ERCC6: variants seen among roughly 807,000 people sequenced by gnomAD.
The protein encoded by ERCC6 is DNA excision repair protein ERCC-6.
ERCC6 carries 116 observed loss-of-function variants against 158.7 expected under a neutral mutation model. The observed-to-expected ratio is 0.73, with a 90% CI of 0.63 to 0.85. The LOEUF is 0.85. ERCC6 is among the 40% of genes least tolerant of loss of function. ERCC6 has a pLI of 0.00. For missense variants in ERCC6, 1,698 were observed against 1,799.4 expected, an observed-to-expected ratio of 0.94 and a Z score of 1.02; for synonymous variants, 678 against 659.3, an observed-to-expected ratio of 1.03 and a Z score of -0.43.
intron 5 of ERCC6, chr10:49,515,675 C>T: frequency 1.2e-6 from 2 of 1,614,146 alleles, no homozygotes; most frequent in Non-Finnish European, 1.7e-6. Context: ...AATACCATTT[C>T]TTTCCACGGA....
rs1554788393 is a variant in ERCC6, at chr10:49,482,818, T to C, written c.2038A>G (p.Asn680Asp). The C allele has an allele frequency of 1.2e-6, 2 of 1,614,080 alleles. No individual in the cohort carries two copies. Among genetic ancestry groups the C allele is most frequent in the Middle Eastern group, 1.6e-4 (1 of 6,062 alleles). Residue 680 changes from asparagine (N) to aspartate (D), a missense_variant, in exon 10 of 21, where the codon AAT (asparagine) becomes GAT (aspartate). By Grantham distance (23) the Asn-to-Asp change is conservative. Coordinates refer to ENST00000355832, the MANE Select transcript of ERCC6 (RefSeq NM_000124.4). ...AGCGACCACAGCTCTCGGAGGTTAT[T>C]TTGCATCGGTGAGCCAGACAGAATG... ...RIILSGSPMQ[N>D]NLRELWSLFD...
At chr10:49,518,294 T>C (rs1485021334) in intron 5 of ERCC6, among the ~76,000 whole-genome samples, 1 of 152,208 alleles carries the variant, frequency 6.6e-6, no homozygotes, top group East Asian at 1.9e-4. Flanking sequence ...ACTGAAACAA[T>C]GCTTGTCCGA....
At chr10:49,533,645 T>C (rs76967670) in intron 1 of ERCC6, among the ~76,000 whole-genome samples, 10,504 of 151,926 alleles carry the variant, frequency 0.069, 448 homozygotes, top group Middle Eastern at 0.11. Context: ...CTACTAAAAA[T>C]TTAAAACCTT....
chr10:49,450,003 G>C (rs1850403919), downstream of ERCC6, among the ~76,000 whole-genome samples: 1 of 152,072 alleles, frequency 6.6e-6, no homozygotes, highest in Non-Finnish European at 1.5e-5. Context: ...CTCCTGAGTA[G>C]CTGGGACTAC....
At chr10:49,519,643 C>A (rs1313826161) in intron 5 of ERCC6, among the ~76,000 whole-genome samples, 11 of 152,084 alleles carry the variant, frequency 7.2e-5, no homozygotes, top group Admixed American at 7.2e-4. Context: ...TCGGGGTGGG[C>A]ATGGGTCGGG....
At chr10:49,529,450 C>T (rs1014801357) in intron 3 of ERCC6, among the ~76,000 whole-genome samples, 6 of 152,288 alleles carry the variant, frequency 3.9e-5, no homozygotes, top group African/African-American at 1.4e-4. Flanking sequence ...CCTTGAAATT[C>T]CAGCCCACTA....
At chr10:49,509,406 T>A (rs1851498883) in intron 5 of ERCC6, among the ~76,000 whole-genome samples, 1 of 152,220 alleles carries the variant, frequency 6.6e-6, no homozygotes, top group Non-Finnish European at 1.5e-5. Context: ...CAACGTACTC[T>A]GTTTAACAGA....
rs1199042452 is a variant in ERCC6, at chr10:49,524,633, T to C, written c.797A>G (p.Asn266Ser). ...ATACTTTTCGAAGCCTGATGCTTCA[T>C]TAAGCATGATTTTTCTGGGCTTTTT... Reference protein sequence around the residue: ...QEKKPRKIMLNEASGFEKYLA... With the variant: ...QEKKPRKIMLSEASGFEKYLA... Residue 266 changes from asparagine to serine, a missense_variant, in exon 5 of 21, where the codon AAT becomes AGT. Transcript: ENST00000355832. 6.2e-7 allele frequency: 1 copy of C among 1,614,092 alleles called. No individual in the cohort carries two copies. The highest frequency in any genetic ancestry group is 8.5e-7 in the Non-Finnish European group (1 of 1,180,042).
chr10:49,507,651 G>A (rs538850567), intron 5 of ERCC6, among the ~76,000 whole-genome samples: 3 of 152,192 alleles, frequency 2.0e-5, no homozygotes, highest in African/African-American at 7.2e-5. Flanking sequence ...TTGACAGGGG[G>A]CAATTCTGTC....
At position 49,459,220 on chromosome 10, in the gene ERCC6, T is replaced by C. The variant is rs55838288; in HGVS notation, c.4077A>G (p.Lys1359=). 3 of 1,614,184 alleles carry C rather than the reference T, an allele frequency of 1.9e-6. No homozygotes were observed. In the African/African-American group the frequency reaches 4.0e-5, roughly 22 times the overall value. The change falls in exon 21 of 21, where the codon AAA becomes AAG. Residue 1359 remains lysine (K), a synonymous_variant. Transcript: ENST00000355832. ...PTEKCQDGIM[K]KEGKDNVPEH... is the part of the protein sequence containing the mutation. Reference sequence around the variant, plus strand: ...CAGGGACATTATCTTTTCCCTCCTTTTTCATGATGCCATCCTATAAAAAGA... The same window carrying C: ...CAGGGACATTATCTTTTCCCTCCTTCTTCATGATGCCATCCTATAAAAAGA...
At chr10:49,481,871 G>T (rs1349929145) in intron 10 of ERCC6, among the ~76,000 whole-genome samples, 3 of 152,148 alleles carry the variant, frequency 2.0e-5, no homozygotes, top group African/African-American at 7.2e-5. Flanking sequence ...ATCAGGTCCA[G>T]GTCCTCATGG....
In ERCC6 at chr10:49,473,481, T is replaced by C. The variant is rs763811839; in HGVS notation, c.2705A>G (p.Asn902Ser). The change falls in exon 14 of 21, where the codon AAT becomes AGT. Residue 902 changes from asparagine (N) to serine (S), a missense_variant. Physicochemically the swap from Asn to Ser is conservative, Grantham distance 46. Transcript: ENST00000355832. ...ASRQPLITRY[N>S]EDTSIFVFLL... is the part of the protein sequence containing the mutation. ...CCTGTTACATTCACATGTTACCTCA[T>C]TGTATCTCGTAATCAGTGGCTGTCT... 1.0e-5 allele frequency: 16 copies of C among 1,585,942 alleles called. No individual in the cohort carries two copies. Among genetic ancestry groups the C allele is most frequent in the East Asian group, 2.2e-5 (1 of 44,774 alleles).
chr10:49,439,253 A>G, the ERCC6 span, among the ~76,000 whole-genome samples: 1 of 152,198 alleles, frequency 6.6e-6, no homozygotes, highest in East Asian at 1.9e-4. Context: ...GCATTTCCAT[A>G]CATCTTCTGA....
chr10:49,531,603 C>G (rs1320040107), intron 2 of ERCC6, among the ~76,000 whole-genome samples: 3 of 152,168 alleles, frequency 2.0e-5, no homozygotes, highest in East Asian at 1.9e-4. Flanking sequence ...TTTCCAAGAT[C>G]AAATGTAAAA....
At chr10:49,476,616 G>A (rs1223803995) in intron 11 of ERCC6, among the ~76,000 whole-genome samples, 3 of 151,974 alleles carry the variant, frequency 2.0e-5, no homozygotes, top group South Asian at 2.1e-4. Context: ...GCCTCCAAGT[G>A]CTCAAACCAT....
At chr10:49,466,958 T>A (rs1850687304) in intron 18 of ERCC6, among the ~76,000 whole-genome samples, 2 of 152,156 alleles carry the variant, frequency 1.3e-5, no homozygotes, top group South Asian at 4.1e-4. Context: ...ATTTTTGTAT[T>A]TTTGTAGAGA....
the ERCC6 span, among the ~76,000 whole-genome samples, chr10:49,444,649 C>T: frequency 3.3e-5 from 5 of 152,086 alleles, no homozygotes; most frequent in Admixed American, 1.3e-4. Flanking sequence ...TGAGTGAGTA[C>T]GAGGATTGAG....
chr10:49,497,933 A>G (rs1036406887), intron 7 of ERCC6, among the ~76,000 whole-genome samples: 2 of 152,220 alleles, frequency 1.3e-5, no homozygotes, highest in African/African-American at 2.4e-5. Flanking sequence ...ATTAAATTCA[A>G]TAACATTAGG....
rs747568593 is a variant in ERCC6, at chr10:49,479,109, C to CA, written c.2170-640dup. On this transcript the variant is annotated intron_variant, in intron 10 of 20. Transcript: ENST00000355832. ...ACATGAGATGAGTACTAAATATACG[C>CA]AAAAAAAAAAAGCCCCACAGCCCAG... 7.3e-3 allele frequency among the ~76,000 whole-genome samples: 977 copies of CA among 133,764 alleles called. 4 individuals are homozygous for CA. The highest frequency in any genetic ancestry group is 0.015 in the African/African-American group (528 of 36,390). 87.8% of individuals were successfully genotyped at this position (133,764 alleles called of 152,430 possible). A position where few individuals can be genotyped will look rare whatever the true frequency, so the allele number is the denominator to read the frequency against.
Sources: allele counts gnomAD v4.1 joint callset (sites outside exome capture counted in the v4.1 genomes callset), GRCh38; gene constraint gnomAD v4.1.1; transcripts MANE v1.5; gene names NCBI Gene and HGNC (gene_info 2026-07-23, HGNC 2026-07-21).